Variants in LONP1 observed in about 807,000 individuals in gnomAD.
LONP1 encodes lon peptidase 1, mitochondrial.
Under a neutral mutation model 98.5 loss-of-function variants are expected in LONP1, and 31 were observed. The observed-to-expected ratio is 0.31, with a 90% confidence interval of 0.24 to 0.42. LONP1 has a LOEUF of 0.42. LONP1 is among the 20% of genes least tolerant of loss of function. The pLI is 1.00. For synonymous variants in LONP1, 781 were observed against 594.7 expected (o/e 1.31, Z -4.56); for missense variants, 1,336 against 1,350.6 (o/e 0.99, Z 0.17).
chr19:5,693,734 G>C lies in LONP1; in HGVS notation c.2356C>G (p.Arg786Gly). Residue 786 changes from arginine to glycine, a missense_variant, in exon 16 of 18, where the codon CGG (arginine) becomes GGG (glycine). By Grantham distance (125) the Arg-to-Gly change is moderately radical. Coordinates refer to ENST00000360614, the MANE Select transcript of LONP1 (RefSeq NM_004793.4). Reference protein sequence around the residue: ...STLFVETSLRRPQDKDAKGDK... With the variant: ...STLFVETSLRGPQDKDAKGDK... ...CCCTTGGCATCCTTGTCCTGTGGCC[G>C]TCTCAGGGATGTCTCCACAAACAGC... 1 of 1,613,978 alleles carries C rather than the reference G, an allele frequency of 6.2e-7. No homozygotes were observed. Among genetic ancestry groups the C allele is most frequent in the African/African-American group, 1.3e-5 (1 of 75,018 alleles).
rs766453412 is a variant in LONP1, at chr19:5,712,071, C to T, written c.639-69G>A. 9 of 1,325,718 alleles carry T rather than the reference C, an allele frequency of 6.8e-6. No homozygotes were observed. In the South Asian group the frequency reaches 1.1e-4, roughly 16 times the overall value. 82.1% of individuals were successfully genotyped at this position (1,325,718 alleles called of 1,614,324 possible). On this transcript the variant is annotated intron_variant, in intron 3 of 17. Transcript: ENST00000360614. ...GGAGCTGGACCCGGCTGAGGCCTCCCTGGTGGCACAGGTGGTCCAAGGGTC... is the reference window on the plus strand; with the variant it reads ...GGAGCTGGACCCGGCTGAGGCCTCCTTGGTGGCACAGGTGGTCCAAGGGTC...
At chr19:5,696,546 T>C in intron 11 of LONP1, 124 bp downstream of exon 11, 4 of 1,286,382 alleles carry the variant, frequency 3.1e-6, no homozygotes, top group Non-Finnish European at 4.3e-6. Context: ...GTCCGTGCCA[T>C]CAGGGCCAGC....
chr19:5,695,123 TC>T (rs1490884194), intron 13 of LONP1, among the ~76,000 whole-genome samples: 3 of 151,566 alleles, frequency 2.0e-5, no homozygotes, highest in African/African-American at 7.3e-5. Context: ...CCACTTCCTA[TC>T]CCCCAATGGT....
intron 13 of LONP1, 107 bp from the exon 14 acceptor site, chr19:5,695,008 GAACGA>G: frequency 7.5e-7 from 1 of 1,329,414 alleles, no homozygotes; most frequent in Non-Finnish European, 1.0e-6. Context: ...CCTGGCCTGG[GAACGA>G]GGTCCCTGAT....
chr19:5,719,516 G>A (rs1403688178), intron 1 of LONP1, among the ~76,000 whole-genome samples, 188 bp downstream of exon 1: 1 of 152,196 alleles, frequency 6.6e-6, no homozygotes, highest in Non-Finnish European at 1.5e-5. Context: ...TAAGAAATCC[G>A]AAAGGGAGAG....
intron 17 of LONP1, 145 bp from the exon 18 acceptor site, chr19:5,692,353 G>C (rs1360289090): frequency 7.2e-6 from 5 of 699,128 alleles, no homozygotes; most frequent in Middle Eastern, 4.1e-4. Context: ...ACCCACCAGG[G>C]TCCCCGTCTC....
At chr19:5,718,374 G>T (rs193079004) in intron 1 of LONP1, among the ~76,000 whole-genome samples, 1 of 151,780 alleles carries the variant, frequency 6.6e-6, no homozygotes. Context: ...GCTACTCAGG[G>T]GGCTGAGGCA....
chr19:5,700,393 A>C (rs1377406442), intron 9 of LONP1, among the ~76,000 whole-genome samples: 2 of 152,188 alleles, frequency 1.3e-5, no homozygotes, highest in African/African-American at 4.8e-5. Context: ...GATTACAGGC[A>C]TGAGCCACAG....
chr19:5,699,525 A>G (rs1044688975), intron 9 of LONP1, among the ~76,000 whole-genome samples: 1 of 150,544 alleles, frequency 6.6e-6, no homozygotes, highest in African/African-American at 2.4e-5. Context: ...TCCAACCCAG[A>G]GAAGCAGTCC....
At chr19:5,698,313 G>A (rs917045002) in intron 10 of LONP1, among the ~76,000 whole-genome samples, 1 of 152,204 alleles carries the variant, frequency 6.6e-6, no homozygotes, top group African/African-American at 2.4e-5. Flanking sequence ...CTGGACTCAA[G>A]TGAATGCCTT....
Position 5,720,042 on chromosome 19 carries a change from CCCGCCCCCCGGCGGCGGCCAGCA to C in LONP1, c.68_90del (p.Met23SerfsTer115). 1 of 1,544,784 alleles carries C rather than the reference CCCGCCCCCCGGCGGCGGCCAGCA, an allele frequency of 6.5e-7. No individual in the cohort carries two copies. The highest frequency in any genetic ancestry group is 8.7e-7 in the Non-Finnish European group (1 of 1,149,320). ...AACCACGCTCCTGCTGCAGTGGGAA[CCCGCCCCCCGGCGGCGGCCAGCA>C]TCGGCCGCCGCAGCACCCAGCACCG... On this transcript the variant is annotated frameshift_variant, in exon 1 of 18. Coordinates refer to ENST00000360614, the MANE Select transcript of LONP1 (RefSeq NM_004793.4). LOFTEE classifies it high-confidence loss of function.
chr19:5,696,492 T>C (rs1255091674), intron 11 of LONP1, 121 bp from the exon 12 acceptor site: 1 of 1,412,696 alleles, frequency 7.1e-7, no homozygotes, highest in Non-Finnish European at 9.6e-7. Flanking sequence ...CACCCTGCCT[T>C]GGACGGGCAG....
upstream of LONP1, chr19:5,720,343 CT>C: frequency 1.1e-5 from 8 of 733,522 alleles, no homozygotes; most frequent in Admixed American, 3.6e-5. Flanking sequence ...CGCTGAAGGC[CT>C]TTTCCGGTCA....
chr19:5,711,674 AG>A, intron 4 of LONP1, 96 bp downstream of exon 4: 1 of 977,238 alleles, frequency 1.0e-6, no homozygotes, highest in South Asian at 1.5e-5. Context: ...TAAGGGGCTC[AG>A]GGTGGGAGAT....
Position 5,711,918 on chromosome 19 carries a change from C to G in LONP1, c.723G>C (p.Arg241=), listed in dbSNP as rs1308397979. 8 of 1,613,268 alleles carry G rather than the reference C, an allele frequency of 5.0e-6. No homozygotes were observed. The highest frequency in any genetic ancestry group is 6.8e-6 in the Non-Finnish European group (8 of 1,179,776). ...GCTCGTCCTCCGCCTCCTTCTTGCC[C>G]CGCTTTGACTTCCTGCGGGGCTTGT... ...NKHKPRRKSK[R]GKKEAEDELS... Residue 241 remains arginine, a synonymous_variant, in exon 4 of 18, where the codon CGG becomes CGC. Coordinates refer to ENST00000360614, the MANE Select transcript of LONP1 (RefSeq NM_004793.4).
chr19:5,707,721 C>A lies in LONP1; in HGVS notation c.1038G>T (p.Leu346=), dbSNP rs2055170426. 1 of 1,612,912 alleles carries A rather than the reference C, an allele frequency of 6.2e-7. No homozygotes were observed. Among genetic ancestry groups the A allele is most frequent in the Admixed American group, 1.7e-5 (1 of 59,936 alleles). The change falls in exon 6 of 18, where the codon CTG becomes CTT. Residue 346 remains leucine, a synonymous_variant. Coordinates refer to ENST00000360614, the MANE Select transcript of LONP1 (RefSeq NM_004793.4). The part of the protein sequence containing the change: ...AALTGAESHE[L]QDVLEETNIP... ...CATTGGTCTCTTCCAGGACGTCCTG[C>A]AGCTCATGGGACTCGGCCCCGGTGA...
chr19:5,718,434 C>T (rs1333103465), intron 1 of LONP1, among the ~76,000 whole-genome samples: 1 of 150,410 alleles, frequency 6.6e-6, no homozygotes, highest in Non-Finnish European at 1.5e-5. Flanking sequence ...GCTGAAATCG[C>T]GCCACTGCAC....
intron 1 of LONP1, among the ~76,000 whole-genome samples, chr19:5,718,273 T>A (rs371359999): frequency 5.9e-5 from 9 of 151,416 alleles, no homozygotes; most frequent in African/African-American, 2.2e-4. Context: ...AGGTCAGGAG[T>A]TCGAGACGAG....
At chr19:5,704,370 C>T (rs1400872651) in intron 8 of LONP1, among the ~76,000 whole-genome samples, 1 of 152,178 alleles carries the variant, frequency 6.6e-6, no homozygotes, top group African/African-American at 2.4e-5. Context: ...TCACCGAAAT[C>T]GGGGCGTGCT....
Sources: allele counts gnomAD v4.1 joint callset (sites outside exome capture counted in the v4.1 genomes callset), GRCh38; gene constraint gnomAD v4.1.1; transcripts MANE v1.5; gene names NCBI Gene and HGNC (gene_info 2026-07-23, HGNC 2026-07-21).